PABPC1L: variants seen among roughly 807,000 people sequenced by gnomAD.
PABPC1L encodes the protein poly(A) binding protein cytoplasmic 1 like.
PABPC1L carries 31 observed loss-of-function variants against 66.6 expected under a neutral mutation model. That is an observed-to-expected ratio of 0.47 (90% CI 0.35 to 0.63). PABPC1L has a LOEUF of 0.63. Ranked by LOEUF, PABPC1L falls within the 20% of genes least tolerant of loss-of-function variation. The pLI is 0.00. For synonymous variants in PABPC1L, 348 were observed against 335.1 expected (o/e 1.04, Z -0.42); for missense variants, 722 against 848.8 (o/e 0.85, Z 1.86).
intron 7 of PABPC1L, among the ~76,000 whole-genome samples, chr20:44,925,132 G>C (rs2066800408): frequency 7.0e-6 from 1 of 143,876 alleles, no homozygotes; most frequent in South Asian, 2.3e-4. Context: ...AGAATGGCAT[G>C]AACCCAGGAG....
chr20:44,925,210 CA>C (rs34623911), intron 7 of PABPC1L, among the ~76,000 whole-genome samples: 99 of 75,490 alleles, frequency 1.3e-3, no homozygotes, highest in Middle Eastern at 7.0e-3. Context: ...GACTCTGTCT[CA>C]AAAAAAAAAA....
rs749326560 is a variant in PABPC1L at position 44,938,047 on chromosome 20, G to T, written c.1661-14G>T. On this transcript the variant is annotated splice_polypyrimidine_tract_variant and intron_variant, in intron 12 of 14. Transcript: ENST00000217073. ...CTAGGCCGTGCACAAGCCATTAGAAGGTGTTCCACACAGGGGAGCGTCTCT... is the reference window on the plus strand; with the variant it reads ...CTAGGCCGTGCACAAGCCATTAGAATGTGTTCCACACAGGGGAGCGTCTCT... 13 of 1,613,956 alleles carry T rather than the reference G, an allele frequency of 8.1e-6. No homozygotes were observed. In the Admixed American group the frequency reaches 2.0e-4, roughly 25 times the overall value.
chr20:44,918,724 A>G (rs2066752811), intron 3 of PABPC1L, among the ~76,000 whole-genome samples, 182 bp from the exon 4 acceptor site: 1 of 152,160 alleles, frequency 6.6e-6, no homozygotes, highest in African/African-American at 2.4e-5. Context: ...AACATAATAT[A>G]ATATCTTGGC....
chr20:44,938,196 G>A lies in PABPC1L; in HGVS notation c.1791+5G>A, dbSNP rs2066916603. ...CCAGAATCCCTCCATGCCAAGGTAAGCAGGAGCCTGGGCAGCAGGGAGCCC... is the reference window on the plus strand; with the variant it reads ...CCAGAATCCCTCCATGCCAAGGTAAACAGGAGCCTGGGCAGCAGGGAGCCC... On this transcript the variant is annotated splice_donor_5th_base_variant and intron_variant, in intron 13 of 14. Coordinates refer to ENST00000217073, the MANE Select transcript of PABPC1L (RefSeq NM_001372179.1). 2.5e-6 allele frequency: 4 copies of A among 1,613,342 alleles called. No homozygotes were observed. Among genetic ancestry groups the A allele is most frequent in the Non-Finnish European group, 2.5e-6 (3 of 1,179,640 alleles).
At chr20:44,939,020 C>T in intron 14 of PABPC1L, 106 bp from the exon 15 acceptor site, 2 of 704,334 alleles carry the variant, frequency 2.8e-6, no homozygotes, top group Admixed American at 2.0e-5. Flanking sequence ...TGCCTGGCTC[C>T]ATTCTGCCTG....
intron 3 of PABPC1L, 120 bp from the exon 4 acceptor site, chr20:44,918,786 A>T (rs1335417120): frequency 8.1e-7 from 1 of 1,238,340 alleles, no homozygotes; most frequent in East Asian, 2.4e-5. Context: ...TGTCCTGCCC[A>T]GTTTCCTGAT....
chr20:44,935,450 C>T lies in PABPC1L; in HGVS notation c.1519C>T (p.Pro507Ser). ...SGVGCCTPGR[P>S]LLPCKCSSAA... is the part of the protein sequence containing the mutation. ...GGTAGGATGCTGTACACCAGGCCGG[C>T]CGCTCCTGCCGTGCAAATGTTCCTC... The change falls in exon 11 of 15, where the codon CCG becomes TCG. Residue 507 changes from proline to serine, a missense_variant. Physicochemically the swap from Pro to Ser is moderately conservative, Grantham distance 74. This residue lies in a region of PABPC1L where 301 missense variants were observed against 337.2 expected (regional missense o/e 0.89). Coordinates refer to ENST00000217073, the MANE Select transcript of PABPC1L (RefSeq NM_001372179.1). 1 of 1,614,182 alleles carries T rather than the reference C, an allele frequency of 6.2e-7. No individual in the cohort carries two copies. The highest frequency in any genetic ancestry group is 8.5e-7 in the Non-Finnish European group (1 of 1,180,028).
intron 12 of PABPC1L, chr20:44,937,859 C>A: frequency 1.5e-6 from 1 of 668,904 alleles, no homozygotes; most frequent in Non-Finnish European, 2.4e-6. Context: ...GGACACATTG[C>A]TGAGATGGGC....
At chr20:44,930,156 G>T (rs765262188) in intron 7 of PABPC1L, among the ~76,000 whole-genome samples, 1 of 152,206 alleles carries the variant, frequency 6.6e-6, no homozygotes, top group Non-Finnish European at 1.5e-5. Flanking sequence ...AGGCCTCATA[G>T]ATGGGGGTGC....
At chr20:44,932,467 C>A in intron 9 of PABPC1L, 35 bp downstream of exon 9, 1 of 1,568,018 alleles carries the variant, frequency 6.4e-7, no homozygotes, top group Non-Finnish European at 8.7e-7. Context: ...CTCAGACTGG[C>A]CTATTGGTGT....
chr20:44,938,625 A>T, intron 13 of PABPC1L, 49 bp from the exon 14 acceptor site: 1 of 1,561,106 alleles, frequency 6.4e-7, no homozygotes, highest in Non-Finnish European at 8.7e-7. Context: ...CTCTTCTGTG[A>T]CCTGCTAAGA....
intron 7 of PABPC1L, among the ~76,000 whole-genome samples, 167 bp downstream of exon 7, chr20:44,924,423 C>T (rs2066794903): frequency 1.3e-5 from 2 of 152,120 alleles, no homozygotes; most frequent in African/African-American, 4.8e-5. Context: ...TAGCCATCTG[C>T]AGCCTTGTCT....
Position 44,910,088 on chromosome 20 carries a change from G to A in PABPC1L, c.-56G>A. The A allele has an allele frequency of 6.9e-7, 1 of 1,455,602 alleles. No homozygotes were observed. The highest frequency in any genetic ancestry group is 9.3e-7 in the Non-Finnish European group (1 of 1,079,126). The allele number at this position is 1,455,602 out of a possible 1,614,324, so 90.2% of individuals were successfully genotyped here. A position where few individuals can be genotyped will look rare whatever the true frequency, so the allele number is the denominator to read the frequency against. On this transcript the variant is annotated 5_prime_UTR_variant, in exon 1 of 15. Transcript: ENST00000217073. ...GAGGGCTTCCGCCCGGGTGAGCGCG[G>A]GGCTGCTGGGTGACCCGGCTCCTGC...
At chr20:44,911,507 A>G (rs1411979682) in intron 1 of PABPC1L, among the ~76,000 whole-genome samples, 3 of 152,132 alleles carry the variant, frequency 2.0e-5, no homozygotes, top group African/African-American at 4.8e-5. Flanking sequence ...AACAACGAAA[A>G]TAGTGGCTTT....
In PABPC1L at chr20:44,938,195, A is replaced by G; in HGVS notation, c.1791+4A>G. On this transcript the variant is annotated splice_donor_region_variant and intron_variant, in intron 13 of 14. Coordinates refer to ENST00000217073, the MANE Select transcript of PABPC1L (RefSeq NM_001372179.1). The stretch of plus-strand genomic sequence containing the variant: ...TCCAGAATCCCTCCATGCCAAGGTA[A>G]GCAGGAGCCTGGGCAGCAGGGAGCC... 6.2e-7 allele frequency: 1 copy of G among 1,613,414 alleles called. No homozygotes were observed.
At chr20:44,938,387 C>T (rs1417677788) in intron 13 of PABPC1L, among the ~76,000 whole-genome samples, 196 bp downstream of exon 13, 1 of 152,172 alleles carries the variant, frequency 6.6e-6, no homozygotes, top group East Asian at 1.9e-4. Context: ...CTTCCGTAGA[C>T]TAATTCTGTG....
intron 7 of PABPC1L, among the ~76,000 whole-genome samples, chr20:44,929,261 C>G (rs1183699700): frequency 6.6e-6 from 1 of 151,992 alleles, no homozygotes; most frequent in African/African-American, 2.4e-5. Flanking sequence ...GACCCCATCT[C>G]TTTAAAAAAC....
chr20:44,931,087 C>CCCTTCCTTCCTTCCTT lies in PABPC1L; in HGVS notation c.1239+367_1239+382dup, dbSNP rs1378700010. 1.4e-3 allele frequency among the ~76,000 whole-genome samples: 53 copies of CCCTTCCTTCCTTCCTT among 38,384 alleles called. 1 individual carries two copies. Among genetic ancestry groups the CCCTTCCTTCCTTCCTT allele is most frequent in the South Asian group, 3.5e-3 (3 of 862 alleles). The allele number at this position is 38,384 out of a possible 152,430, so 25.2% of individuals were successfully genotyped here. ...TCCCTCCCTCCCTCCCTCCCTCCCT[C>CCCTTCCTTCCTTCCTT]CCTTCCTTCCTTCCTTCCTTCGTGG... On this transcript the variant is annotated intron_variant, in intron 8 of 14. Transcript: ENST00000217073.
chr20:44,929,496 G>T (rs995206539), intron 7 of PABPC1L, among the ~76,000 whole-genome samples: 4 of 151,888 alleles, frequency 2.6e-5, no homozygotes, highest in African/African-American at 9.7e-5. Flanking sequence ...GGGAAACTGG[G>T]TGAAAGATAT....
Sources: gnomAD v4.1 joint callset for allele counts (sites outside exome capture counted in the v4.1 genomes callset) on GRCh38, gnomAD v4.1.1 for gene constraint, gnomAD v4.1.1 regional missense constraint, MANE v1.5 for transcripts, NCBI Gene and HGNC (gene_info 2026-07-23, HGNC 2026-07-21) for gene names.